The following CEP135 variants were observed in gnomAD, a reference collection of about 807,000 sequenced individuals.
CEP135 encodes the protein centrosomal protein of 135 kDa.
A neutral mutation model predicts 157.3 loss-of-function variants in CEP135; 142 were observed. The ratio of observed to expected loss-of-function variants is 0.90; its 90% CI spans 0.79 to 1.04. CEP135 has a LOEUF of 1.04. Ranked by LOEUF, CEP135 falls within the 50% of genes least tolerant of loss-of-function variation. The pLI is 0.00. For missense variants in CEP135, 1,317 were observed against 1,309.2 expected, an observed-to-expected ratio of 1.01 and a Z score of -0.09; for synonymous variants, 396 against 439.8, an observed-to-expected ratio of 0.90 and a Z score of 1.25.
intron 8 of CEP135, 43 bp from the exon 9 acceptor site, chr4:55,969,020 C>A (rs1489141831): frequency 4.8e-6 from 7 of 1,451,430 alleles, no homozygotes; most frequent in Non-Finnish European, 6.6e-6. Context: ...CTTAAGTATT[C>A]TTAGACTTTT....
intron 24 of CEP135, among the ~76,000 whole-genome samples, chr4:56,021,578 A>G (rs1730972892): frequency 6.6e-6 from 1 of 152,184 alleles, no homozygotes; most frequent in Non-Finnish European, 1.5e-5. Flanking sequence ...TATTAATACC[A>G]TAGACATCTG....
intron 22 of CEP135, among the ~76,000 whole-genome samples, chr4:56,018,321 T>G (rs1198296737): frequency 2.0e-5 from 3 of 152,204 alleles, no homozygotes; most frequent in Non-Finnish European, 2.9e-5. Flanking sequence ...CAACCAGATT[T>G]GACTGCTTGA....
At chr4:55,973,783 C>A (rs1729103293) in intron 10 of CEP135, among the ~76,000 whole-genome samples, 1 of 152,136 alleles carries the variant, frequency 6.6e-6, no homozygotes, top group African/African-American at 2.4e-5. Flanking sequence ...TCACCCACTA[C>A]CCCTTAGCTC....
chr4:55,964,547 C>A (rs1478703904), intron 7 of CEP135, 145 bp downstream of exon 7: 4 of 545,552 alleles, frequency 7.3e-6, no homozygotes, highest in South Asian at 4.8e-5. Flanking sequence ...TTTGATAGAA[C>A]CATAGTATCC....
At chr4:55,964,475 G>T in intron 7 of CEP135, 73 bp downstream of exon 7, 2 of 1,196,550 alleles carry the variant, frequency 1.7e-6, no homozygotes, top group Non-Finnish European at 1.1e-6. Context: ...GTTTATAATG[G>T]TCTATGGGTT....
rs146424747 is a variant in CEP135 at position 55,981,366 on chromosome 4, G to C, written c.1766G>C (p.Arg589Thr). Residue 589 changes from arginine to threonine, a missense_variant, in exon 13 of 26, where the codon AGA (arginine) becomes ACA (threonine). Transcript: ENST00000257287. ...ATTATGGCAGAAAAGGAAGCTTTAA[G>C]AGAAAAATTAGAGGTAAGAAGATTG... is the stretch of plus-strand genomic sequence containing the variant. ...RRIMAEKEAL[R>T]EKLEHIEEVS... 1.9e-6 allele frequency: 3 copies of C among 1,575,974 alleles called. No homozygotes were observed. Among genetic ancestry groups the C allele is most frequent in the Non-Finnish European group, 2.6e-6 (3 of 1,169,332 alleles).
chr4:55,955,381 A>G (rs553617017), intron 4 of CEP135, among the ~76,000 whole-genome samples: 12 of 152,214 alleles, frequency 7.9e-5, no homozygotes, highest in Non-Finnish European at 1.3e-4. Flanking sequence ...ACAAAGGCCA[A>G]AGTGTATCAT....
chr4:56,021,378 C>A (rs1452055249), intron 24 of CEP135, among the ~76,000 whole-genome samples: 2 of 152,050 alleles, frequency 1.3e-5, no homozygotes, highest in Non-Finnish European at 2.9e-5. Context: ...AAACCTGTAC[C>A]CTTAACCTCT....
chr4:56,016,044 T>G (rs903933288), intron 21 of CEP135, among the ~76,000 whole-genome samples: 18 of 152,300 alleles, frequency 1.2e-4, no homozygotes, highest in African/African-American at 4.3e-4. Flanking sequence ...GGCCCTAACC[T>G]AGTGAATGAT....
At position 55,989,537 on chromosome 4, in the gene CEP135, C is replaced by T. The variant is rs890185096; in HGVS notation, c.1858-2397C>T. Among the ~76,000 whole-genome samples, 11 of 151,838 alleles carry T rather than the reference C, an allele frequency of 7.2e-5. 1 individual carries two copies. The highest frequency in any genetic ancestry group is 2.2e-4 in the African/African-American group (9 of 41,324). ...AAAGGAAAACACTGATAAATAGGAC[C>T]ACATTGGCAAAAAAAAATCTTTGTT... On this transcript the variant is annotated intron_variant, in intron 14 of 25. Coordinates refer to ENST00000257287, the MANE Select transcript of CEP135 (RefSeq NM_025009.5).
At chr4:55,962,730 CTTT>C (rs56378859) in intron 6 of CEP135, among the ~76,000 whole-genome samples, 3 of 125,354 alleles carry the variant, frequency 2.4e-5, no homozygotes, top group African/African-American at 3.0e-5. Context: ...TTTTAAGCCT[CTTT>C]TTTTTTTTTT....
At chr4:55,973,975 A>G (rs531217622) in intron 10 of CEP135, among the ~76,000 whole-genome samples, 88 of 152,286 alleles carry the variant, frequency 5.8e-4, no homozygotes, top group African/African-American at 2.1e-3. Context: ...TCTCTGGTCA[A>G]TCCTTCTTGG....
intron 14 of CEP135, among the ~76,000 whole-genome samples, chr4:55,990,564 T>C (rs973462653): frequency 1.3e-5 from 2 of 151,950 alleles, no homozygotes; most frequent in African/African-American, 4.8e-5. Flanking sequence ...TGTATGATCA[T>C]AGCTCACTGC....
At chr4:55,990,187 G>T (rs919428469) in intron 14 of CEP135, among the ~76,000 whole-genome samples, 3 of 151,990 alleles carry the variant, frequency 2.0e-5, no homozygotes, top group African/African-American at 4.8e-5. Flanking sequence ...CATTATCTCT[G>T]ACTTATGCCT....
chr4:56,000,104 T>C (rs950133614), intron 17 of CEP135, among the ~76,000 whole-genome samples: 21 of 152,058 alleles, frequency 1.4e-4, no homozygotes, highest in African/African-American at 5.1e-4. Context: ...GGTGGGAGGA[T>C]CACTTGAGCC....
chr4:55,977,864 A>G (rs1038665075), intron 11 of CEP135, among the ~76,000 whole-genome samples: 1 of 152,160 alleles, frequency 6.6e-6, no homozygotes, highest in African/African-American at 2.4e-5. Context: ...TGAATGGTTT[A>G]TTTCCTTATT....
rs543083017 is a variant in CEP135, at chr4:55,953,356, A to G, written c.304+81A>G. On this transcript the variant is annotated intron_variant, in intron 3 of 25. Transcript: ENST00000257287. ...GAAGGAAAAGCTAACGTCTAATTTT[A>G]AAACTATTGATTAGAAAATATAGTA... is the stretch of plus-strand genomic sequence containing the variant. 32 of 1,062,026 alleles carry G rather than the reference A, an allele frequency of 3.0e-5. No individual in the cohort carries two copies. In the African/African-American group the frequency reaches 4.8e-4, roughly 16 times the overall value. The allele number at this position is 1,062,026 out of a possible 1,614,324, so 65.8% of individuals were successfully genotyped here. A position where few individuals can be genotyped will look rare whatever the true frequency, so the allele number is the denominator to read the frequency against.
At chr4:56,020,884 C>T in intron 24 of CEP135, 104 bp downstream of exon 24, 2 of 797,890 alleles carry the variant, frequency 2.5e-6, no homozygotes, top group Non-Finnish European at 4.0e-6. Context: ...TTTTAAAAAG[C>T]TAATACATAA....
chr4:55,986,075 G>A (rs933785540), intron 14 of CEP135, among the ~76,000 whole-genome samples: 2 of 152,148 alleles, frequency 1.3e-5, no homozygotes, highest in African/African-American at 4.8e-5. Context: ...TGACCTTTCT[G>A]TTCCCTGATT....
Sources: allele counts gnomAD v4.1 joint callset (sites outside exome capture counted in the v4.1 genomes callset), GRCh38; gene constraint gnomAD v4.1.1; transcripts MANE v1.5; gene names NCBI Gene and HGNC (gene_info 2026-07-23, HGNC 2026-07-21).